The following EPRS1 variants were observed in gnomAD, a reference collection of about 807,000 sequenced individuals.
EPRS1 encodes bifunctional glutamate/proline--tRNA ligase.
In EPRS1, 107 loss-of-function variants were observed where a neutral mutation model predicts 188.3. The observed-to-expected ratio is 0.57, with a 90% confidence interval of 0.49 to 0.67. The LOEUF (loss-of-function observed/expected upper bound fraction) is 0.67. Ranked by LOEUF, EPRS1 falls within the 30% of genes least tolerant of loss-of-function variation. EPRS1 has a pLI of 0.00. For missense variants in EPRS1, 1,577 were observed against 1,802.2 expected, an observed-to-expected ratio of 0.88 and a Z score of 2.26; for synonymous variants, 596 against 593.1, an observed-to-expected ratio of 1.00 and a Z score of -0.07.
chr1:219,990,252 C>A (rs1014216981), intron 18 of EPRS1, among the ~76,000 whole-genome samples: 1 of 151,956 alleles, frequency 6.6e-6, no homozygotes, highest in Non-Finnish European at 1.5e-5. Context: ...CATATATTTC[C>A]CCTCCCATTA....
At chr1:219,973,120 G>T in intron 29 of EPRS1, 118 bp downstream of exon 29, 1 of 774,520 alleles carries the variant, frequency 1.3e-6, no homozygotes. Context: ...GTAGCATGGG[G>T]GTTCAGAGGG....
intron 30 of EPRS1, among the ~76,000 whole-genome samples, chr1:219,971,795 T>TATATATATATATATATATATACACACAC (rs140568859): frequency 1.5e-4 from 16 of 108,428 alleles, no homozygotes; most frequent in African/African-American, 4.8e-4. Context: ...TATATATATA[T>TATATATATATATATATATATACACACAC]ACATATACAC....
chr1:219,977,505 G>A (rs1285837710), intron 28 of EPRS1, among the ~76,000 whole-genome samples: 1 of 152,126 alleles, frequency 6.6e-6, no homozygotes, highest in African/African-American at 2.4e-5. Context: ...GTAGCCAGCA[G>A]TAAATTTCTC....
intron 6 of EPRS1, among the ~76,000 whole-genome samples, chr1:220,027,078 T>C (rs1413536434): frequency 1.3e-5 from 2 of 150,556 alleles, no homozygotes; most frequent in Non-Finnish European, 3.0e-5. Flanking sequence ...GATCACGAGG[T>C]CAGGAGTTCA....
Position 220,005,426 on chromosome 1 carries a change from G to C in EPRS1, c.1951-66C>G. The C allele has an allele frequency of 1.3e-5, 11 of 816,740 alleles. No individual in the cohort carries two copies. In the South Asian group the frequency reaches 1.5e-4, roughly 11 times the overall value. 50.6% of individuals were successfully genotyped at this position (816,740 alleles called of 1,614,324 possible). A position where few individuals can be genotyped will look rare whatever the true frequency, so the allele number is the denominator to read the frequency against. On this transcript the variant is annotated intron_variant, in intron 15 of 31. Transcript: ENST00000366923. ...CATAGTAGTAAAATAACTCTAAAAT[G>C]CAAGCAGTTTCCACTAACTAAAATA...
At chr1:220,023,338 A>G (rs1326590996) in intron 8 of EPRS1, among the ~76,000 whole-genome samples, 1 of 152,210 alleles carries the variant, frequency 6.6e-6, no homozygotes, top group African/African-American at 2.4e-5. Context: ...GCCACCTCTG[A>G]AAATGTAGAA....
At chr1:219,973,142 G>T (rs1024811677) in intron 29 of EPRS1, 96 bp downstream of exon 29, 4 of 995,574 alleles carry the variant, frequency 4.0e-6, no homozygotes, top group African/African-American at 3.3e-5. Flanking sequence ...GGGAACAATT[G>T]CTTCCAATTG....
chr1:219,989,906 T>C (rs1318703563), intron 18 of EPRS1, among the ~76,000 whole-genome samples: 1 of 151,760 alleles, frequency 6.6e-6, no homozygotes, highest in Non-Finnish European at 1.5e-5. Flanking sequence ...AACTACTTTA[T>C]CTCAAGAAAA....
At position 220,044,681 on chromosome 1, in the gene EPRS1, CAAAAAAAAAAAAAAA is replaced by C. The variant is rs71560597; in HGVS notation, c.46+1647_46+1661del. On this transcript the variant is annotated intron_variant, in intron 1 of 31. Coordinates refer to ENST00000366923, the MANE Select transcript of EPRS1 (RefSeq NM_004446.3). Reference sequence around the variant, plus strand: ...CAGAGGTTGCAATGAGCTCGGTCTCCAAAAAAAAAAAAAAAAAAAAAAAAAAAAAAAACAGTATCA... The same window carrying C: ...CAGAGGTTGCAATGAGCTCGGTCTCCAAAAAAAAAAAAAAAAACAGTATCA... 2.5e-3 allele frequency among the ~76,000 whole-genome samples: 218 copies of C among 88,346 alleles called. 3 individuals are homozygous for C. Among genetic ancestry groups the C allele is most frequent in the South Asian group, 0.013 (33 of 2,582 alleles). The allele number at this position is 88,346 out of a possible 152,430, so 58.0% of individuals were successfully genotyped here. A position where few individuals can be genotyped will look rare whatever the true frequency, so the allele number is the denominator to read the frequency against.
In EPRS1 at chr1:220,020,027, T is replaced by G. The variant is rs1481450968; in HGVS notation, c.1310A>C (p.Lys437Thr). 1 of 1,614,008 alleles carries G rather than the reference T, an allele frequency of 6.2e-7. No individual in the cohort carries two copies. The highest frequency in any genetic ancestry group is 1.7e-5 in the Admixed American group (1 of 60,014). ...TCCTTCATTGACAAACCATGTGAGT[T>G]TTCTTTTGGATAGCACTGTGTTGTT... is the stretch of plus-strand genomic sequence containing the variant. ...NLNNTVLSKRKLTWFVNEGLV... is the reference protein window; with the variant it reads ...NLNNTVLSKRTLTWFVNEGLV... The change falls in exon 10 of 32, where the codon AAA (lysine) becomes ACA (threonine). Residue 437 changes from lysine to threonine, a missense_variant. Coordinates refer to ENST00000366923, the MANE Select transcript of EPRS1 (RefSeq NM_004446.3).
At chr1:220,027,395 T>C (rs2102593439) in intron 6 of EPRS1, among the ~76,000 whole-genome samples, 1 of 148,818 alleles carries the variant, frequency 6.7e-6, no homozygotes, top group South Asian at 2.1e-4. Context: ...GCCACTGCAC[T>C]CCAGCCCGGG....
At chr1:220,018,257 G>T in intron 12 of EPRS1, 192 bp downstream of exon 12, 1 of 990,730 alleles carries the variant, frequency 1.0e-6, no homozygotes, top group Non-Finnish European at 1.5e-6. Flanking sequence ...TTACTTATTT[G>T]GAATAGTTAA....
intron 18 of EPRS1, among the ~76,000 whole-genome samples, chr1:219,991,577 A>G (rs1053765399): frequency 2.0e-5 from 3 of 152,332 alleles, no homozygotes; most frequent in South Asian, 2.1e-4. Context: ...GAGACTAAGT[A>G]AACTAGAAGT....
chr1:220,017,853 T>C (rs1201052842), intron 12 of EPRS1, among the ~76,000 whole-genome samples: 1 of 152,120 alleles, frequency 6.6e-6, no homozygotes, highest in African/African-American at 2.4e-5. Context: ...GAAACTTTAA[T>C]ACAACTCAAT....
chr1:219,977,822 A>G (rs1271294983), intron 28 of EPRS1, among the ~76,000 whole-genome samples: 1 of 152,134 alleles, frequency 6.6e-6, no homozygotes, highest in African/African-American at 2.4e-5. Flanking sequence ...AAATCCCAAT[A>G]TTGCTGAGCT....
intron 5 of EPRS1, among the ~76,000 whole-genome samples, chr1:220,031,862 G>A (rs1418097889): frequency 6.6e-6 from 1 of 152,070 alleles, no homozygotes; most frequent in Non-Finnish European, 1.5e-5. Flanking sequence ...ATGGAGTTTG[G>A]ATTGCCTAAG....
At chr1:219,969,021 C>G (rs1291858555) in intron 31 of EPRS1, 37 bp downstream of exon 31, 1 of 1,612,032 alleles carries the variant, frequency 6.2e-7, no homozygotes, top group Non-Finnish European at 8.5e-7. Flanking sequence ...CTTTCCATTG[C>G]AATTTTTCAA....
In EPRS1 at chr1:219,971,786, ATAT is replaced by A. The variant is rs1032704679; in HGVS notation, c.4323+280_4323+282del. 6.4e-4 allele frequency among the ~76,000 whole-genome samples: 89 copies of A among 139,680 alleles called. 1 individual carries two copies. The highest frequency in any genetic ancestry group is 2.3e-3 in the African/African-American group (87 of 38,516). 91.6% of individuals were successfully genotyped at this position (139,680 alleles called of 152,430 possible). A position where few individuals can be genotyped will look rare whatever the true frequency, so the allele number is the denominator to read the frequency against. On this transcript the variant is annotated intron_variant, in intron 30 of 31. Coordinates refer to ENST00000366923, the MANE Select transcript of EPRS1 (RefSeq NM_004446.3). ...GAAAAGCCAGTAGAAAACAAAGACT[ATAT>A]ATATATACATATACACACACACTAT...
chr1:220,009,417 C>T (rs772007161), intron 13 of EPRS1, among the ~76,000 whole-genome samples: 39 of 152,154 alleles, frequency 2.6e-4, no homozygotes, highest in Middle Eastern at 6.3e-3. Flanking sequence ...TTATAGACAA[C>T]TTGTAAAGCT....
Sources: allele counts gnomAD v4.1 joint callset (sites outside exome capture counted in the v4.1 genomes callset), GRCh38; gene constraint gnomAD v4.1.1; transcripts MANE v1.5; gene names NCBI Gene and HGNC (gene_info 2026-07-23, HGNC 2026-07-21).